The following TRRAP variants were observed in gnomAD, a reference collection of about 807,000 sequenced individuals.
TRRAP encodes transformation/transcription domain associated protein.
A neutral mutation model predicts 438.8 loss-of-function variants in TRRAP; 41 were observed. The ratio of observed to expected loss-of-function variants is 0.09; its 90% confidence interval spans 0.07 to 0.12. TRRAP has a LOEUF of 0.12. Among genes scored for constraint, TRRAP ranks in the 10% least tolerant of loss-of-function variants. The pLI, the probability that TRRAP is intolerant of heterozygous loss-of-function variation, is 1.00. For missense variants in TRRAP, 3,122 were observed against 5,055.1 expected (o/e 0.62, Z 11.60); for synonymous variants, 1,994 against 1,962.9 (o/e 1.02, Z -0.42).
In TRRAP at chr7:99,011,990, TGA is replaced by T; in HGVS notation, c.11338-79_11338-78del. 6.5e-7 allele frequency: 1 copy of T among 1,543,970 alleles called. No individual in the cohort carries two copies. The highest frequency in any genetic ancestry group is 8.8e-7 in the Non-Finnish European group (1 of 1,139,376). ...GGTGGCCCTGAGCGGCCGCTGTGGT[TGA>T]GTCCCACCTTGTTAGGAAGCTGCCC... On this transcript the variant is annotated intron_variant, in intron 72 of 72. Transcript: ENST00000456197. The surrounding 1 kb of genome is among the most constrained non-coding windows in gnomAD (Gnocchi z 7.1).
rs1273444459 is a variant in TRRAP, at chr7:98,931,545, C to T, written c.3732C>T (p.Asp1244=). ...QEKSFHHVTH[D]LVREVTSPNS... is the part of the protein sequence containing the mutation. ...AGTCTTTCCACCATGTGACACACGA[C>T]TTGGTTCGAGAAGTCACCTCTCCAA... Residue 1244 remains aspartate (D), a synonymous_variant, in exon 26 of 73, where the codon GAC becomes GAT. Coordinates refer to ENST00000456197, the MANE Select transcript of TRRAP (RefSeq NM_001375524.1). 1.9e-6 allele frequency: 3 copies of T among 1,614,070 alleles called. No individual in the cohort carries two copies. The African/African-American group carries it at 4.0e-5, about 22-fold the overall frequency.
intron 28 of TRRAP, among the ~76,000 whole-genome samples, chr7:98,935,984 A>G (rs897220316): frequency 4.6e-5 from 7 of 152,202 alleles, no homozygotes; most frequent in African/African-American, 1.7e-4. Context: ...ATCAGAGTGT[A>G]TATATAGTAA....
chr7:98,983,320 G>A lies in TRRAP; in HGVS notation c.8883G>A (p.Gln2961=), dbSNP rs1793014885. The A allele has an allele frequency of 6.2e-7, 1 of 1,614,060 alleles. No individual in the cohort carries two copies. The change falls in exon 60 of 73, where the codon CAG becomes CAA. Residue 2961 remains glutamine (Q), a synonymous_variant. Coordinates refer to ENST00000456197, the MANE Select transcript of TRRAP (RefSeq NM_001375524.1). ...QEAAQINAGL[Q]PTNLGRNNSL... is the part of the protein sequence containing the mutation. ...CTGCACAAATCAACGCAGGCTTACA[G>A]CCAACCAACCTGGGAAGGAACAACA...
At chr7:98,880,413 A>G (rs1795375674) in intron 1 of TRRAP, among the ~76,000 whole-genome samples, 1 of 151,562 alleles carries the variant, frequency 6.6e-6, no homozygotes. Flanking sequence ...ACAGGTGCCC[A>G]CTACCACGCC....
At chr7:98,888,649 T>A (rs1466587875) in intron 3 of TRRAP, among the ~76,000 whole-genome samples, 1 of 152,246 alleles carries the variant, frequency 6.6e-6, no homozygotes, top group South Asian at 2.1e-4. Flanking sequence ...TGCCTTTGCA[T>A]GTGCTTTTCT....
At position 98,952,154 on chromosome 7, in the gene TRRAP, C is replaced by T. The variant is rs140323734; in HGVS notation, c.5464-1013C>T. Among the ~76,000 whole-genome samples, 7 of 152,254 alleles carry T rather than the reference C, an allele frequency of 4.6e-5. No homozygotes were observed. The East Asian group carries it at 7.7e-4, about 17-fold the overall frequency. Reference sequence around the variant, plus strand: ...TTATTAAGACCTGGTAGACAGACAGCGGTTAGGATACTTAGTTGAATTGAA... The same window carrying T: ...TTATTAAGACCTGGTAGACAGACAGTGGTTAGGATACTTAGTTGAATTGAA... On this transcript the variant is annotated intron_variant, in intron 39 of 72. Coordinates refer to ENST00000456197, the MANE Select transcript of TRRAP (RefSeq NM_001375524.1).
At chr7:98,952,806 A>G (rs1359625197) in intron 39 of TRRAP, among the ~76,000 whole-genome samples, 1 of 152,138 alleles carries the variant, frequency 6.6e-6, no homozygotes, top group East Asian at 1.9e-4. Flanking sequence ...TACGTAAGAT[A>G]AGGTGAACGT....
At chr7:98,993,790 T>C in intron 66 of TRRAP, 53 bp downstream of exon 66, 1 of 1,542,230 alleles carries the variant, frequency 6.5e-7, no homozygotes, top group South Asian at 1.1e-5. Flanking sequence ...GGACGTGGTG[T>C]TCTGTATGCT....
At position 98,893,638 on chromosome 7, in the gene TRRAP, T is replaced by C. The variant is rs2249169; in HGVS notation, c.367-160T>C. On this transcript the variant is annotated intron_variant, in intron 5 of 72. Transcript: ENST00000456197. ...GTGGGATTCCCTTCTGGTGGTGCAC[T>C]GAAGCTTTCTGTCTGGGACAACTGT... Among the ~76,000 whole-genome samples the C allele has an allele frequency of 0.89, 136,143 of 152,240 alleles. 60,945 individuals are homozygous for C. The highest frequency in any genetic ancestry group is 0.94 in the South Asian group (4,539 of 4,832).
In TRRAP at chr7:98,930,700, G is replaced by C; in HGVS notation, c.3461G>C (p.Trp1154Ser). Reference protein sequence around the residue: ...RLCACCYEQAWYAKLGGVVSI... With the variant: ...RLCACCYEQASYAKLGGVVSI... ...TGTGCATGTTGTTATGAACAGGCGT[G>C]GTATGCAAAGCTGGGGGGTGTGGTG... The change falls in exon 25 of 73, where the codon TGG becomes TCG. Residue 1154 changes from tryptophan (W) to serine (S), a missense_variant. By Grantham distance (177) the Trp-to-Ser change is radical. Coordinates refer to ENST00000456197, the MANE Select transcript of TRRAP (RefSeq NM_001375524.1). 1 of 1,614,216 alleles carries C rather than the reference G, an allele frequency of 6.2e-7. No individual in the cohort carries two copies. The highest frequency in any genetic ancestry group is 8.5e-7 in the Non-Finnish European group (1 of 1,180,052).
chr7:98,921,873 G>A lies in TRRAP; in HGVS notation c.2743G>A (p.Val915Ile), dbSNP rs1249110960. 6 of 1,614,234 alleles carry A rather than the reference G, an allele frequency of 3.7e-6. No homozygotes were observed. Among genetic ancestry groups the A allele is most frequent in the Admixed American group, 1.7e-5 (1 of 60,030 alleles). Residue 915 changes from valine to isoleucine, a missense_variant, in exon 21 of 73, where the codon GTT becomes ATT. By Grantham distance (29) the Val-to-Ile change is conservative. Coordinates refer to ENST00000456197, the MANE Select transcript of TRRAP (RefSeq NM_001375524.1). ...MLKESQKLHYVVTEVQGPSIT... is the reference protein window; with the variant it reads ...MLKESQKLHYIVTEVQGPSIT... ...GAAGGAGTCGCAGAAGCTGCACTAC[G>A]TTGTGACCGAGGTTCAGGGCCCCAG...
At chr7:98,906,426 A>G (rs1796736625) in intron 13 of TRRAP, among the ~76,000 whole-genome samples, 171 bp downstream of exon 13, 1 of 150,358 alleles carries the variant, frequency 6.7e-6, no homozygotes, top group Non-Finnish European at 1.5e-5. Context: ...TTATTTATTT[A>G]TTTATTTATT....
rs540072215 is a variant in TRRAP at position 98,909,910 on chromosome 7, A to G, written c.1351-146A>G. On this transcript the variant is annotated intron_variant, in intron 14 of 72. Transcript: ENST00000456197. ...ATCAGAAGTAATGGCAAAAACTGCA[A>G]TTCCTTTGACACCAACCTCATAGAA... 1.2e-5 allele frequency: 17 copies of G among 1,413,380 alleles called. No homozygotes were observed. The African/African-American group carries it at 1.7e-4, about 14-fold the overall frequency. The allele number at this position is 1,413,380 out of a possible 1,614,324, so 87.6% of individuals were successfully genotyped here.
intron 62 of TRRAP, among the ~76,000 whole-genome samples, chr7:98,988,305 A>G (rs1043127979): frequency 6.6e-6 from 1 of 152,228 alleles, no homozygotes; most frequent in African/African-American, 2.4e-5. Context: ...AAACAAACAG[A>G]TACCTGTTCG....
Position 98,956,662 on chromosome 7 carries a change from C to G in TRRAP, c.6231+129C>G. 1 of 1,442,448 alleles carries G rather than the reference C, an allele frequency of 6.9e-7. No individual in the cohort carries two copies. The highest frequency in any genetic ancestry group is 9.2e-7 in the Non-Finnish European group (1 of 1,084,840). 89.4% of individuals were successfully genotyped at this position (1,442,448 alleles called of 1,614,324 possible). ...AGAGGAAGCTGGGAACAGCCACGGTCACCAGATTGAAACTCCAGGACATGT... is the reference window on the plus strand; with the variant it reads ...AGAGGAAGCTGGGAACAGCCACGGTGACCAGATTGAAACTCCAGGACATGT... On this transcript the variant is annotated intron_variant, in intron 43 of 72. Coordinates refer to ENST00000456197, the MANE Select transcript of TRRAP (RefSeq NM_001375524.1). This position sits in a 1 kb window ranked among gnomAD's most constrained non-coding sequence, Gnocchi z 4.5.
In TRRAP at chr7:98,942,843, G is replaced by A. The variant is rs893492229; in HGVS notation, c.4405-106G>A. ...GCGCTGTTTTAATAATGGAAACACT[G>A]CAGTTCTCACACTAAACACGATGGA... On this transcript the variant is annotated intron_variant, in intron 30 of 72. Coordinates refer to ENST00000456197, the MANE Select transcript of TRRAP (RefSeq NM_001375524.1). The A allele has an allele frequency of 7.3e-5, 86 of 1,180,286 alleles. 1 individual carries two copies. The highest frequency in any genetic ancestry group is 1.0e-4 in the Non-Finnish European group (81 of 808,760). 73.1% of individuals were successfully genotyped at this position (1,180,286 alleles called of 1,614,324 possible). A position where few individuals can be genotyped will look rare whatever the true frequency, so the allele number is the denominator to read the frequency against.
intron 3 of TRRAP, among the ~76,000 whole-genome samples, chr7:98,889,556 A>T (rs1548623): frequency 0.03 from 641 of 21,660 alleles, 13 homozygotes; most frequent in East Asian, 0.24. Flanking sequence ...TTTTTTTTTT[A>T]AAAAAAATAG....
intron 4 of TRRAP, among the ~76,000 whole-genome samples, chr7:98,891,275 G>T (rs1471807767): frequency 7.1e-6 from 1 of 141,726 alleles, no homozygotes; most frequent in Non-Finnish European, 1.5e-5. Context: ...GCAGTGGCAC[G>T]AACTCAGCTC....
intron 58 of TRRAP, among the ~76,000 whole-genome samples, chr7:98,980,602 G>A (rs1792874063): frequency 6.6e-6 from 1 of 152,304 alleles, no homozygotes; most frequent in East Asian, 1.9e-4. Flanking sequence ...ACGCTGGAGT[G>A]CAGGAAATCT....
Sources: allele counts gnomAD v4.1 joint callset (sites outside exome capture counted in the v4.1 genomes callset), GRCh38; gene constraint gnomAD v4.1.1; non-coding constraint Gnocchi (gnomAD v3.1); transcripts MANE v1.5; gene names NCBI Gene and HGNC (gene_info 2026-07-23, HGNC 2026-07-21).